Variants in KCNK2 observed in about 807,000 individuals in gnomAD.
KCNK2 encodes the protein potassium channel subfamily K member 2.
Under a neutral mutation model 40.5 loss-of-function variants are expected in KCNK2, and 21 were observed. The observed-to-expected ratio is 0.52, with a 90% confidence interval of 0.37 to 0.75. The LOEUF is 0.75. KCNK2 is among the 30% of genes least tolerant of loss of function. The pLI, the probability that KCNK2 is intolerant of heterozygous loss-of-function variation, is 0.00. For missense variants in KCNK2, 399 were observed against 531.6 expected, an observed-to-expected ratio of 0.75 and a Z score of 2.45; for synonymous variants, 191 against 202.2, an observed-to-expected ratio of 0.94 and a Z score of 0.47.
chr1:215,121,483 C>T (rs11120498), intron 2 of KCNK2, among the ~76,000 whole-genome samples: 102,690 of 151,976 alleles, frequency 0.68, 35,081 homozygotes, highest in African/African-American at 0.71. Flanking sequence ...CTGTATTGCC[C>T]AGGCTGGTCT....
intron 1 of KCNK2, among the ~76,000 whole-genome samples, chr1:215,018,429 G>T (rs114326900): frequency 6.6e-6 from 1 of 152,138 alleles, no homozygotes; most frequent in African/African-American, 2.4e-5. Context: ...ATTTTAAAAG[G>T]CCACTATTAA....
intron 3 of KCNK2, among the ~76,000 whole-genome samples, chr1:215,143,129 G>C (rs1662257257): frequency 6.6e-6 from 1 of 152,132 alleles, no homozygotes; most frequent in Non-Finnish European, 1.5e-5. Context: ...TGCCTCCCAG[G>C]CCCTAGAATC....
At chr1:215,019,504 C>T (rs1004580960) in intron 1 of KCNK2, among the ~76,000 whole-genome samples, 6 of 152,280 alleles carry the variant, frequency 3.9e-5, no homozygotes, top group South Asian at 4.1e-4. Flanking sequence ...CATTAGTTGC[C>T]GCATCTGTTC....
At chr1:215,078,714 C>T (rs1558079877), upstream of KCNK2, among the ~76,000 whole-genome samples, 1 of 152,200 alleles carries the variant, frequency 6.6e-6, no homozygotes, top group East Asian at 1.9e-4. Flanking sequence ...AATGGACATA[C>T]TGAACACATA....
intron 6 of KCNK2, among the ~76,000 whole-genome samples, chr1:215,231,237 G>A (rs1020517679): frequency 2.0e-5 from 3 of 152,146 alleles, no homozygotes; most frequent in Admixed American, 1.3e-4. Flanking sequence ...CAATGATAAG[G>A]TGCTTTTTGC....
At position 215,047,276 on chromosome 1, in the gene KCNK2, C is replaced by T. The variant is rs535962268; in HGVS notation, c.35-39092C>T. On this transcript the variant is annotated intron_variant, in intron 1 of 6. Coordinates refer to the KCNK2 transcript ENST00000391895. ...CTTAATTGAATACTTGCCATGTGGC[C>T]ATTGTGCTAAGCATTTTGCATTAGT... Among the ~76,000 whole-genome samples the T allele has an allele frequency of 2.6e-5, 4 of 152,130 alleles. No individual in the cohort carries two copies. In the South Asian group the frequency reaches 8.3e-4, roughly 32 times the overall value.
chr1:215,098,319 T>G (rs1660069058), intron 2 of KCNK2, among the ~76,000 whole-genome samples: 1 of 151,890 alleles, frequency 6.6e-6, no homozygotes. Flanking sequence ...ATTGTTTAAT[T>G]ATGTCCTTAG....
At chr1:215,032,883 G>A (rs537036061) in intron 1 of KCNK2, among the ~76,000 whole-genome samples, 2 of 151,894 alleles carry the variant, frequency 1.3e-5, no homozygotes, top group Admixed American at 1.3e-4. Context: ...TATCTTGAAT[G>A]GTGTTCTCTG....
chr1:215,190,756 C>T (rs1156320119), intron 5 of KCNK2, among the ~76,000 whole-genome samples: 1 of 152,152 alleles, frequency 6.6e-6, no homozygotes, highest in African/African-American at 2.4e-5. Context: ...TAACTAACAG[C>T]CCTGCCCTAA....
At position 215,101,322 on chromosome 1, in the gene KCNK2, A is replaced by G. The variant is rs189761307; in HGVS notation, c.357+14644A>G. On this transcript the variant is annotated intron_variant, in intron 2 of 6. Transcript: ENST00000444842. ...AGAGATGGGAGGTGGGCTTCTTTAG[A>G]TGGGCCATGTTGAGAAAAGTTTTCT... 2.6e-5 allele frequency among the ~76,000 whole-genome samples: 4 copies of G among 152,096 alleles called. No individual in the cohort carries two copies. In the East Asian group the frequency reaches 7.8e-4, roughly 30 times the overall value.
intron 2 of KCNK2, among the ~76,000 whole-genome samples, chr1:215,103,202 A>T (rs1358222419): frequency 6.6e-6 from 1 of 151,830 alleles, no homozygotes; most frequent in Non-Finnish European, 1.5e-5. Context: ...CTGGTTAAGG[A>T]TTCTGAAGCT....
At chr1:215,168,145 A>T (rs1663533176) in intron 3 of KCNK2, among the ~76,000 whole-genome samples, 1 of 152,228 alleles carries the variant, frequency 6.6e-6, no homozygotes, top group South Asian at 2.1e-4. Flanking sequence ...GAGAAATACA[A>T]ATCAAAAGCA....
intron 3 of KCNK2, among the ~76,000 whole-genome samples, chr1:215,150,202 G>T (rs946698091): frequency 6.6e-6 from 1 of 152,146 alleles, no homozygotes; most frequent in Non-Finnish European, 1.5e-5. Context: ...TAATTCTTAG[G>T]CATGAGCCAG....
intron 2 of KCNK2, among the ~76,000 whole-genome samples, chr1:215,112,782 C>G (rs1181253341): frequency 1.3e-5 from 2 of 152,116 alleles, no homozygotes; most frequent in African/African-American, 4.8e-5. Flanking sequence ...AAATGCTGTA[C>G]AGGTTTATAG....
intron 1 of KCNK2, among the ~76,000 whole-genome samples, chr1:215,013,650 G>T (rs1248196038): frequency 6.6e-6 from 1 of 152,028 alleles, no homozygotes; most frequent in African/African-American, 2.4e-5. Context: ...ATTTTTGTTA[G>T]ATTAATATCT....
intron 2 of KCNK2, among the ~76,000 whole-genome samples, chr1:215,109,553 T>C (rs1485623717): frequency 6.6e-6 from 1 of 152,024 alleles, no homozygotes; most frequent in Non-Finnish European, 1.5e-5. Flanking sequence ...TCTTTTTCAT[T>C]GTTGAGTATT....
At position 215,169,167 on chromosome 1, in the gene KCNK2, A is replaced by T. The variant is rs576998377; in HGVS notation, c.476-32A>T. On this transcript the variant is annotated intron_variant, in intron 3 of 6. Transcript: ENST00000444842. ...AGTTCATATGTTTTAAACAACTATT[A>T]TTCATTTGTAAACAATGTAATTTTT... The T allele has an allele frequency of 3.9e-6, 6 of 1,549,730 alleles. No homozygotes were observed. The African/African-American group carries it at 8.3e-5, about 21-fold the overall frequency.
intron 3 of KCNK2, among the ~76,000 whole-genome samples, chr1:215,143,298 C>T (rs1344364494): frequency 1.3e-5 from 2 of 152,032 alleles, no homozygotes; most frequent in Non-Finnish European, 2.9e-5. Flanking sequence ...TATAGGAGGG[C>T]AGGACTTTGA....
intron 5 of KCNK2, among the ~76,000 whole-genome samples, chr1:215,176,606 G>A (rs1663986376): frequency 6.6e-6 from 1 of 152,156 alleles, no homozygotes; most frequent in African/African-American, 2.4e-5. Flanking sequence ...TTCTGTTCTT[G>A]TGTTAGTTTG....
Sources: gnomAD v4.1 joint callset for allele counts (sites outside exome capture counted in the v4.1 genomes callset) on GRCh38, gnomAD v4.1.1 for gene constraint, MANE v1.5 for transcripts, NCBI Gene and HGNC (gene_info 2026-07-23, HGNC 2026-07-21) for gene names.